Variants in EPHB1 observed in about 807,000 individuals in gnomAD.
The protein encoded by EPHB1 is EPH receptor B1, also known as ephrin type-B receptor 1.
In EPHB1, 30 loss-of-function variants were observed where a neutral mutation model predicts 94.4. That is an observed-to-expected ratio of 0.32 (90% CI 0.24 to 0.43). EPHB1 has a LOEUF of 0.43. Ranked by LOEUF, EPHB1 falls within the 20% of genes least tolerant of loss-of-function variation. The pLI is 1.00. For missense variants in EPHB1, 1,055 were observed against 1,308.3 expected, an observed-to-expected ratio of 0.81 and a Z score of 2.99; for synonymous variants, 522 against 489.1, an observed-to-expected ratio of 1.07 and a Z score of -0.89.
At chr3:134,935,261 C>T (rs1351657324) in intron 2 of EPHB1, among the ~76,000 whole-genome samples, 1 of 152,086 alleles carries the variant, frequency 6.6e-6, no homozygotes, top group Non-Finnish European at 1.5e-5. Flanking sequence ...AAAGACAAAG[C>T]ATTAGAAGGA....
At chr3:134,856,644 C>T (rs573229684) in intron 1 of EPHB1, among the ~76,000 whole-genome samples, 2 of 152,280 alleles carry the variant, frequency 1.3e-5, no homozygotes, top group East Asian at 3.9e-4. Context: ...TGGCTAGTCG[C>T]AACTGAGAGG....
intron 12 of EPHB1, among the ~76,000 whole-genome samples, chr3:135,222,283 T>C (rs1943292528): frequency 6.6e-6 from 1 of 152,172 alleles, no homozygotes; most frequent in Non-Finnish European, 1.5e-5. Flanking sequence ...GTCCATTTGC[T>C]CTCATCTTCT....
chr3:135,210,665 T>A (rs1327868585), intron 12 of EPHB1, among the ~76,000 whole-genome samples: 1 of 152,192 alleles, frequency 6.6e-6, no homozygotes, highest in Non-Finnish European at 1.5e-5. Flanking sequence ...AGTGGTCAAG[T>A]GAGTTACTCA....
At chr3:135,057,557 T>G (rs1937383074) in intron 3 of EPHB1, among the ~76,000 whole-genome samples, 1 of 152,200 alleles carries the variant, frequency 6.6e-6, no homozygotes, top group Non-Finnish European at 1.5e-5. Flanking sequence ...TCAGGCAGTC[T>G]GGGTTCTGGC....
At chr3:135,244,365 C>G (rs534093671) in intron 13 of EPHB1, among the ~76,000 whole-genome samples, 1 of 152,172 alleles carries the variant, frequency 6.6e-6, no homozygotes. Flanking sequence ...GGTCTCCTTG[C>G]CCCCAGAGCT....
intron 9 of EPHB1, among the ~76,000 whole-genome samples, chr3:135,174,389 A>C (rs932005924): frequency 6.6e-6 from 1 of 152,072 alleles, no homozygotes; most frequent in Non-Finnish European, 1.5e-5. Flanking sequence ...CTCTTTTTCC[A>C]GTGCAATACG....
intron 1 of EPHB1, among the ~76,000 whole-genome samples, chr3:134,895,810 G>C (rs918709065): frequency 6.6e-6 from 1 of 152,210 alleles, no homozygotes; most frequent in Non-Finnish European, 1.5e-5. Flanking sequence ...TTTTGAAAAG[G>C]ATGGACAGGG....
intron 3 of EPHB1, among the ~76,000 whole-genome samples, chr3:135,077,045 C>T (rs922551154): frequency 2.0e-5 from 3 of 152,092 alleles, no homozygotes; most frequent in Non-Finnish European, 4.4e-5. Flanking sequence ...CATAAATTTA[C>T]TCAAATTCAT....
At chr3:135,232,031 G>A (rs1228879297) in intron 12 of EPHB1, among the ~76,000 whole-genome samples, 2 of 152,188 alleles carry the variant, frequency 1.3e-5, no homozygotes, top group African/African-American at 4.8e-5. Context: ...TGGGGAACTG[G>A]GAACAGCCTC....
At chr3:135,009,296 T>A (rs1935536977) in intron 3 of EPHB1, among the ~76,000 whole-genome samples, 1 of 152,128 alleles carries the variant, frequency 6.6e-6, no homozygotes. Flanking sequence ...CTTTAATATT[T>A]TTACTAACGT....
At chr3:134,807,034 C>G (rs2036075114) in intron 1 of EPHB1, among the ~76,000 whole-genome samples, 1 of 152,110 alleles carries the variant, frequency 6.6e-6, no homozygotes, top group African/African-American at 2.4e-5. Flanking sequence ...GGCTTGATTA[C>G]AAAATTCTTT....
chr3:135,002,796 G>C (rs1188634524), intron 3 of EPHB1, among the ~76,000 whole-genome samples: 2 of 151,970 alleles, frequency 1.3e-5, no homozygotes, highest in Non-Finnish European at 2.9e-5. Context: ...TGTGGGATCA[G>C]TGGTGATATC....
chr3:135,028,209 TG>T (rs1936268914), intron 3 of EPHB1, among the ~76,000 whole-genome samples: 1 of 148,334 alleles, frequency 6.7e-6, no homozygotes, highest in Non-Finnish European at 1.5e-5. Context: ...AAGGGTTTTT[TG>T]TGTCTCTATT....
intron 3 of EPHB1, among the ~76,000 whole-genome samples, chr3:135,035,292 G>A (rs939533240): frequency 3.3e-5 from 5 of 152,118 alleles, no homozygotes; most frequent in East Asian, 1.9e-4. Context: ...TCTAGTTTCC[G>A]TTGTCCACAG....
intron 1 of EPHB1, among the ~76,000 whole-genome samples, chr3:134,823,307 A>C (rs2036416573): frequency 6.6e-6 from 1 of 152,244 alleles, no homozygotes; most frequent in Non-Finnish European, 1.5e-5. Flanking sequence ...CAGTGAAGAC[A>C]GAAGGACAGG....
chr3:134,881,213 C>T (rs1264273225), intron 1 of EPHB1, among the ~76,000 whole-genome samples: 1 of 152,130 alleles, frequency 6.6e-6, no homozygotes, highest in Non-Finnish European at 1.5e-5. Context: ...AACAGCATCT[C>T]CTGGGAGGCA....
intron 4 of EPHB1, among the ~76,000 whole-genome samples, chr3:135,130,044 T>C (rs1940364849): frequency 6.6e-6 from 1 of 152,158 alleles, no homozygotes; most frequent in South Asian, 2.1e-4. Context: ...GGGGAAATTG[T>C]GCAGAAGAAC....
At chr3:135,187,624 C>T (rs944751282) in intron 10 of EPHB1, among the ~76,000 whole-genome samples, 5 of 152,136 alleles carry the variant, frequency 3.3e-5, no homozygotes, top group African/African-American at 9.7e-5. Flanking sequence ...AATAGCAATA[C>T]GCCCATCGAC....
At chr3:134,954,296 C>T (rs9824682) in intron 3 of EPHB1, among the ~76,000 whole-genome samples, 75,544 of 151,964 alleles carry the variant, frequency 0.5, 19,663 homozygotes, top group African/African-American at 0.64. Flanking sequence ...AAGTGGTGAT[C>T]TTGGGAAGAC....
Sources: gnomAD v4.1 joint callset for allele counts (sites outside exome capture counted in the v4.1 genomes callset) on GRCh38, gnomAD v4.1.1 for gene constraint, MANE v1.5 for transcripts, NCBI Gene and HGNC (gene_info 2026-07-23, HGNC 2026-07-21) for gene names.